The following KATNIP variants were observed in gnomAD, a reference collection of about 807,000 sequenced individuals.
The protein encoded by KATNIP is katanin interacting protein.
A neutral mutation model predicts 174.0 loss-of-function variants in KATNIP; 126 were observed. The observed-to-expected ratio is 0.72, with a 90% CI of 0.63 to 0.84. The LOEUF (loss-of-function observed/expected upper bound fraction) is 0.84. KATNIP is among the 40% of genes least tolerant of loss of function. The pLI is 0.00. For missense variants in KATNIP, 1,958 were observed against 2,109.7 expected, an observed-to-expected ratio of 0.93 and a Z score of 1.41; for synonymous variants, 810 against 835.7, an observed-to-expected ratio of 0.97 and a Z score of 0.53.
rs1275023238 is a variant in KATNIP, at chr16:27,777,210, T to C, written c.4551+181T>C. ...CCATGAATTCAGAACCTGCTGGCAG[T>C]GATTTCAGTGTCACCCTGAGCAAAT... is the stretch of plus-strand genomic sequence containing the variant. On this transcript the variant is annotated intron_variant, in intron 25 of 27. Coordinates refer to ENST00000261588, the MANE Select transcript of KATNIP (RefSeq NM_015202.5). This position sits in a 1 kb window ranked among gnomAD's most constrained non-coding sequence, Gnocchi z 4.4. 6.6e-6 allele frequency among the ~76,000 whole-genome samples: 1 copy of C among 152,156 alleles called. No individual in the cohort carries two copies. Among genetic ancestry groups the C allele is most frequent in the Non-Finnish European group, 1.5e-5 (1 of 68,040 alleles).
chr16:27,719,598 C>G (rs1292622799), intron 13 of KATNIP, among the ~76,000 whole-genome samples: 3 of 151,734 alleles, frequency 2.0e-5, no homozygotes, highest in African/African-American at 7.3e-5. Context: ...CCAGGCTGGT[C>G]TCGAACTCCT....
chr16:27,599,111 C>G (rs2075431643), intron 2 of KATNIP, among the ~76,000 whole-genome samples: 1 of 152,204 alleles, frequency 6.6e-6, no homozygotes. Flanking sequence ...CATGCAAAGC[C>G]CACAGCCACT....
At chr16:27,746,488 G>C (rs1319446910) in intron 15 of KATNIP, among the ~76,000 whole-genome samples, 1 of 152,226 alleles carries the variant, frequency 6.6e-6, no homozygotes, top group African/African-American at 2.4e-5. Flanking sequence ...CTGACAGGTG[G>C]AGGGGGGAGT....
intron 8 of KATNIP, among the ~76,000 whole-genome samples, chr16:27,681,838 G>C (rs1418124065): frequency 6.6e-6 from 1 of 152,192 alleles, no homozygotes; most frequent in South Asian, 2.1e-4. Flanking sequence ...TCACTTGGGG[G>C]AGGGCTGGTC....
Position 27,681,522 on chromosome 16 carries a change from T to A in KATNIP, c.932T>A (p.Met311Lys), listed in dbSNP as rs545447480. Reference sequence around the variant, plus strand: ...GCTGTATTCCCAGACCAGGAGAGGATGTGCTCCAGTAAGAGTTCCGGGGGC... The same window carrying A: ...GCTGTATTCCCAGACCAGGAGAGGAAGTGCTCCAGTAAGAGTTCCGGGGGC... ...APAVFPDQERMCSRPGSRRER... is the reference protein window; with the variant it reads ...APAVFPDQERKCSRPGSRRER... The change falls in exon 8 of 28, where the codon ATG becomes AAG. Residue 311 changes from methionine (M) to lysine (K), a missense_variant. By Grantham distance (95) the Met-to-Lys change is moderately conservative. Coordinates refer to ENST00000261588, the MANE Select transcript of KATNIP (RefSeq NM_015202.5). 2.2e-5 allele frequency: 36 copies of A among 1,614,182 alleles called. No homozygotes were observed. The highest frequency in any genetic ancestry group is 5.0e-5 in the Admixed American group (3 of 60,032).
chr16:27,718,917 T>G (rs2080081712), intron 13 of KATNIP: 1 of 152,238 alleles, frequency 6.6e-6, no homozygotes, highest in South Asian at 2.1e-4. Flanking sequence ...AGCTGGAGCC[T>G]GGGCCTTCCA....
chr16:27,674,914 C>G (rs1395125593), intron 6 of KATNIP, among the ~76,000 whole-genome samples: 1 of 152,208 alleles, frequency 6.6e-6, no homozygotes, highest in Non-Finnish European at 1.5e-5. Flanking sequence ...GCTCAAAACT[C>G]CAAAATCTCA....
In KATNIP at chr16:27,750,214, C is replaced by G; in HGVS notation, c.3254C>G (p.Ser1085Cys). The change falls in exon 16 of 28, where the codon TCC (serine) becomes TGC (cysteine). Residue 1085 changes from serine (S) to cysteine (C), a missense_variant. Transcript: ENST00000261588. ...IWNYNKSRIH[S>C]FRGVKDITML... ...AACTACAATAAATCTCGGATACATT[C>G]CTTCCGAGGCGTGAAGGACATCACA... is the stretch of plus-strand genomic sequence containing the variant. 3.1e-6 allele frequency: 5 copies of G among 1,614,104 alleles called. No homozygotes were observed. The highest frequency in any genetic ancestry group is 2.2e-5 in the East Asian group (1 of 44,860).
chr16:27,712,290 C>G (rs769366293), intron 13 of KATNIP, among the ~76,000 whole-genome samples: 2 of 152,158 alleles, frequency 1.3e-5, no homozygotes, highest in South Asian at 2.1e-4. Flanking sequence ...TCTTCCCTGA[C>G]GTGGGGCTTC....
At chr16:27,772,969 A>G in intron 22 of KATNIP, 130 bp from the exon 23 acceptor site, 1 of 612,518 alleles carries the variant, frequency 1.6e-6, no homozygotes, top group Non-Finnish European at 2.9e-6. Flanking sequence ...CTCTAGTTGC[A>G]ATAAGAGAAA....
Position 27,622,502 on chromosome 16 carries a change from C to T in KATNIP, c.140+4001C>T, listed in dbSNP as rs573687869. 1.4e-4 allele frequency among the ~76,000 whole-genome samples: 21 copies of T among 152,150 alleles called. 1 individual carries two copies. Among genetic ancestry groups the T allele is most frequent in the African/African-American group, 4.3e-4 (18 of 41,514 alleles). On this transcript the variant is annotated intron_variant, in intron 3 of 27. Transcript: ENST00000261588. ...GATCAAAGGGCTGAGTGATGAAGAT[C>T]GACTGAGAAGATGAGGGCCCTTGTA... is the stretch of plus-strand genomic sequence containing the variant.
chr16:27,699,619 G>C lies in KATNIP; in HGVS notation c.1179+20G>C. The stretch of plus-strand genomic sequence containing the variant: ...CTTGAGGTCAGTGCTAGGCAGAGAT[G>C]AATGACAAAGCCCCACGCATGTGCG... On this transcript the variant is annotated intron_variant, in intron 10 of 27. Transcript: ENST00000261588. 1 of 1,613,876 alleles carries C rather than the reference G, an allele frequency of 6.2e-7. No individual in the cohort carries two copies. Among genetic ancestry groups the C allele is most frequent in the South Asian group, 1.1e-5 (1 of 91,072 alleles).
rs750086260 is a variant in KATNIP, at chr16:27,740,151, G to A, written c.1854G>A (p.Leu618=). ...AGGCCCCAGCTGACCACAGCATCCT[G>A]GTTGACCAGAAGAACGAGAAGAGCG... The part of the protein sequence containing the change: ...DREAPADHSI[L]VDQKNEKSEQ... Residue 618 remains leucine, a synonymous_variant, in exon 15 of 28, where the codon CTG becomes CTA. Coordinates refer to ENST00000261588, the MANE Select transcript of KATNIP (RefSeq NM_015202.5). 5 of 1,614,036 alleles carry A rather than the reference G, an allele frequency of 3.1e-6. No homozygotes were observed. The Admixed American group carries it at 6.7e-5, about 22-fold the overall frequency.
intron 15 of KATNIP, among the ~76,000 whole-genome samples, chr16:27,745,031 AAG>A (rs2143659809): frequency 6.6e-6 from 1 of 152,360 alleles, no homozygotes; most frequent in South Asian, 2.1e-4. Flanking sequence ...TCTTTAAAAA[AAG>A]AGAGCAAGAG....
chr16:27,627,846 G>T (rs558214168), intron 3 of KATNIP, among the ~76,000 whole-genome samples: 148 of 152,290 alleles, frequency 9.7e-4, no homozygotes, highest in African/African-American at 3.4e-3. Flanking sequence ...TAAAATGCAG[G>T]CGAGTCTGGC....
chr16:27,778,039 G>A (rs1435923209), intron 27 of KATNIP, 70 bp downstream of exon 27: 1 of 1,411,118 alleles, frequency 7.1e-7, no homozygotes, highest in Non-Finnish European at 9.9e-7. Flanking sequence ...GGAGCTGGTG[G>A]CCTTGCACCC....
At chr16:27,634,733 C>G (rs1175822861) in intron 5 of KATNIP, among the ~76,000 whole-genome samples, 3 of 152,214 alleles carry the variant, frequency 2.0e-5, no homozygotes, top group Non-Finnish European at 2.9e-5. Context: ...TTCCCTGGCT[C>G]GTGTGAGGCC....
chr16:27,730,129 G>A (rs981394045), intron 14 of KATNIP, among the ~76,000 whole-genome samples: 4 of 152,252 alleles, frequency 2.6e-5, no homozygotes, highest in Non-Finnish European at 4.4e-5. Flanking sequence ...TGCTTCAGGG[G>A]AGCAGCCATG....
intron 2 of KATNIP, among the ~76,000 whole-genome samples, chr16:27,616,959 A>G (rs2076058455): frequency 6.8e-6 from 1 of 146,432 alleles, no homozygotes; most frequent in Non-Finnish European, 1.5e-5. Context: ...GTTTATATGT[A>G]GATATGTATC....
Sources: gnomAD v4.1 joint callset for allele counts (sites outside exome capture counted in the v4.1 genomes callset) on GRCh38, gnomAD v4.1.1 for gene constraint, Gnocchi (gnomAD v3.1) non-coding constraint, MANE v1.5 for transcripts, NCBI Gene and HGNC (gene_info 2026-07-23, HGNC 2026-07-21) for gene names.